The following SH3BP4 variants were observed in gnomAD, a reference collection of about 807,000 sequenced individuals.
SH3BP4 encodes SH3 domain-binding protein 4.
A neutral mutation model predicts 65.5 loss-of-function variants in SH3BP4; 33 were observed. The ratio of observed to expected loss-of-function variants is 0.50; its 90% CI spans 0.38 to 0.67. The LOEUF (loss-of-function observed/expected upper bound fraction) is 0.67, where lower values mean the gene tolerates loss of function less well. Among genes scored for constraint, SH3BP4 ranks in the 30% least tolerant of loss-of-function variants. The pLI, the probability that SH3BP4 is intolerant of heterozygous loss-of-function variation, is 0.00. For missense variants in SH3BP4, 1,134 were observed against 1,261.4 expected (o/e 0.90, Z 1.53); for synonymous variants, 552 against 545.5 (o/e 1.01, Z -0.17).
Position 235,035,084 on chromosome 2 carries a change from G to A in SH3BP4, c.82G>A (p.Glu28Lys), listed in dbSNP as rs138995123. The change falls in exon 3 of 6, where the codon GAA becomes AAA. Residue 28 changes from glutamate (E) to lysine (K), a missense_variant. By Grantham distance (56) the Glu-to-Lys change is moderately conservative. Coordinates refer to ENST00000392011, the MANE Select transcript of SH3BP4 (RefSeq NM_014521.3). This position sits in a 1 kb window ranked among gnomAD's most constrained non-coding sequence, Gnocchi z 5.0. ...KSEGTLIDLS[E>K]GFSETSFNDI... ...AGAGGGGACCCTGATTGACCTGAGC[G>A]AAGGGTTTTCAGAGACGAGCTTTAA... 91 of 1,613,988 alleles carry A rather than the reference G, an allele frequency of 5.6e-5. No homozygotes were observed. Among genetic ancestry groups the A allele is most frequent in the Middle Eastern group, 1.6e-4 (1 of 6,084 alleles).
chr2:234,952,782 G>A lies in SH3BP4; in HGVS notation c.-207+612G>A, dbSNP rs1215155161. 1.3e-5 allele frequency: 2 copies of A among 152,228 alleles called. No individual in the cohort carries two copies. Among genetic ancestry groups the A allele is most frequent in the African/African-American group, 4.8e-5 (2 of 41,454 alleles). The allele number at this position is 152,228 out of a possible 1,614,324, so 9.4% of individuals were successfully genotyped here. A position where few individuals can be genotyped will look rare whatever the true frequency, so the allele number is the denominator to read the frequency against. On this transcript the variant is annotated intron_variant, in intron 1 of 5. Transcript: ENST00000392011. This position sits in a 1 kb window ranked among gnomAD's most constrained non-coding sequence, Gnocchi z 6.5. ...TTGGCGATCGGGTGACCGAGCAGCC[G>A]CGAGGTGACAGCGCCGGCGGCCCGC...
rs1693501299 is a variant in SH3BP4, at chr2:234,984,951, TGGAGACGCATTTGA to T, written c.-206-10347_-206-10334del. On this transcript the variant is annotated intron_variant, in intron 1 of 5. Transcript: ENST00000392011. ...ACCAACTATTAGGGCTCCATCATGC[TGGAGACGCATTTGA>T]GGAGCCATGAGACTATGCCCTAGAA... Among the ~76,000 whole-genome samples, 3 of 152,294 alleles carry T rather than the reference TGGAGACGCATTTGA, an allele frequency of 2.0e-5. No homozygotes were observed. In the South Asian group the frequency reaches 6.2e-4, roughly 32 times the overall value.
At chr2:235,004,839 T>C (rs1197001650) in intron 2 of SH3BP4, among the ~76,000 whole-genome samples, 2 of 152,244 alleles carry the variant, frequency 1.3e-5, no homozygotes, top group African/African-American at 2.4e-5. Flanking sequence ...CTAGGATTCA[T>C]GTATTTGATG....
Position 235,045,153 on chromosome 2 carries a change from G to A in SH3BP4, c.2478+1906G>A, listed in dbSNP as rs1444031495. ...CCTCACGGGTGCACCCAGCACAGTG[G>A]CAGACAAAGCGCCTCCATCCCGTGA... On this transcript the variant is annotated intron_variant, in intron 4 of 5. Coordinates refer to ENST00000392011, the MANE Select transcript of SH3BP4 (RefSeq NM_014521.3). This position sits in a 1 kb window ranked among gnomAD's most constrained non-coding sequence, Gnocchi z 4.3. 6.6e-6 allele frequency among the ~76,000 whole-genome samples: 1 copy of A among 152,194 alleles called. No homozygotes were observed. The highest frequency in any genetic ancestry group is 6.5e-5 in the Admixed American group (1 of 15,286).
rs77730076 is a variant in SH3BP4, at chr2:234,993,323, C to T, written c.-206-1980C>T. Among the ~76,000 whole-genome samples, 1,438 of 152,274 alleles carry T rather than the reference C, an allele frequency of 9.4e-3. 25 individuals carry two copies. Among genetic ancestry groups the T allele is most frequent in the African/African-American group, 0.033 (1,391 of 41,532 alleles). ...AACTGCAGCCACTGGAGGCGGATACCCACTGAGGCTGTTCCCATCTGTCCT... is the reference window on the plus strand; with the variant it reads ...AACTGCAGCCACTGGAGGCGGATACTCACTGAGGCTGTTCCCATCTGTCCT... On this transcript the variant is annotated intron_variant, in intron 1 of 5. Transcript: ENST00000392011.
intron 1 of SH3BP4, among the ~76,000 whole-genome samples, chr2:234,964,606 C>T (rs993472618): frequency 2.6e-5 from 4 of 152,042 alleles, no homozygotes; most frequent in African/African-American, 9.7e-5. Flanking sequence ...ATGAGCAGGC[C>T]AGGAAGTGCA....
intron 2 of SH3BP4, among the ~76,000 whole-genome samples, chr2:235,025,453 CT>C (rs1006330183): frequency 1.1e-4 from 16 of 152,132 alleles, no homozygotes; most frequent in African/African-American, 3.9e-4. Context: ...CCTGCTTTCC[CT>C]TGTGTATTTA....
chr2:234,965,727 G>A (rs1172337383), intron 1 of SH3BP4, among the ~76,000 whole-genome samples: 1 of 152,132 alleles, frequency 6.6e-6, no homozygotes, highest in Non-Finnish European at 1.5e-5. Flanking sequence ...GGGTAAAATG[G>A]CAGTGATTTC....
chr2:234,968,041 C>T (rs1017049550), intron 1 of SH3BP4, among the ~76,000 whole-genome samples: 3 of 152,158 alleles, frequency 2.0e-5, no homozygotes, highest in Non-Finnish European at 2.9e-5. Flanking sequence ...CGACCACACC[C>T]AGGTCCACCT....
intron 3 of SH3BP4, among the ~76,000 whole-genome samples, chr2:235,038,338 AGTATATATATTTT>A (rs1559254399): frequency 0.038 from 255 of 6,716 alleles, 20 homozygotes; most frequent in African/African-American, 0.11. Context: ...TATTATATAT[AGTATATATATTTT>A]ATATATATAT....
Position 235,043,043 on chromosome 2 carries a change from G to A in SH3BP4, c.2274G>A (p.Val758=). 2 of 1,611,716 alleles carry A rather than the reference G, an allele frequency of 1.2e-6. No individual in the cohort carries two copies. Among genetic ancestry groups the A allele is most frequent in the Non-Finnish European group, 1.7e-6 (2 of 1,178,398 alleles). The change falls in exon 4 of 6, where the codon GTG becomes GTA. Residue 758 remains valine, a synonymous_variant. Transcript: ENST00000392011. Reference sequence around the variant, plus strand: ...TCCTCACGTACATCTATGCCTCCGTGAGGACCCTGCTCATGGAGAACATCA... The same window carrying A: ...TCCTCACGTACATCTATGCCTCCGTAAGGACCCTGCTCATGGAGAACATCA... ...CKFLTYIYAS[V]RTLLMENISS... is the part of the protein sequence containing the mutation.
rs149498776 is a variant in SH3BP4 at position 234,988,453 on chromosome 2, C to T, written c.-206-6850C>T. On this transcript the variant is annotated intron_variant, in intron 1 of 5. Transcript: ENST00000392011. The stretch of plus-strand genomic sequence containing the variant: ...GGAGCTGCCCTTGTCTCACCCCTGG[C>T]CATCAGTTTATGTAGTAATTAAATA... Among the ~76,000 whole-genome samples the T allele has an allele frequency of 5.9e-3, 903 of 152,308 alleles. 6 individuals carry two copies. The highest frequency in any genetic ancestry group is 0.01 in the Middle Eastern group (3 of 294).
intron 1 of SH3BP4, among the ~76,000 whole-genome samples, chr2:234,958,297 T>C (rs1692632521): frequency 6.6e-6 from 1 of 152,128 alleles, no homozygotes; most frequent in African/African-American, 2.4e-5. Flanking sequence ...AGAGCTTTCC[T>C]TGGAGGCAGT....
Position 234,988,310 on chromosome 2 carries a change from T to C in SH3BP4, c.-206-6993T>C, listed in dbSNP as rs543648730. ...TCCTGACCTCATGATCTGCCCACCT[T>C]GGCCTCCCAAAGTGCTGGGATTACA... On this transcript the variant is annotated intron_variant, in intron 1 of 5. Transcript: ENST00000392011. Among the ~76,000 whole-genome samples the C allele has an allele frequency of 9.0e-3, 1,371 of 152,212 alleles. 5 individuals carry two copies. The highest frequency in any genetic ancestry group is 0.014 in the Non-Finnish European group (918 of 67,994).
At position 235,016,938 on chromosome 2, in the gene SH3BP4, A is replaced by G. The variant is rs117821432; in HGVS notation, c.-132-17933A>G. On this transcript the variant is annotated intron_variant, in intron 2 of 5. Transcript: ENST00000392011. Reference sequence around the variant, plus strand: ...GATGCCACTTGACACTTCCCTTGAGAGCAAAACACGTTGACTTCAGAAGAT... The same window carrying G: ...GATGCCACTTGACACTTCCCTTGAGGGCAAAACACGTTGACTTCAGAAGAT... Among the ~76,000 whole-genome samples, 114 of 152,098 alleles carry G rather than the reference A, an allele frequency of 7.5e-4. 2 individuals are homozygous for G. In the East Asian group the frequency reaches 0.02, roughly 27 times the overall value.
Position 234,977,823 on chromosome 2 carries a change from G to A in SH3BP4, c.-206-17480G>A, listed in dbSNP as rs1464286863. Among the ~76,000 whole-genome samples, 2 of 152,076 alleles carry A rather than the reference G, an allele frequency of 1.3e-5. No individual in the cohort carries two copies. Among genetic ancestry groups the A allele is most frequent in the African/African-American group, 4.8e-5 (2 of 41,432 alleles). On this transcript the variant is annotated intron_variant, in intron 1 of 5. Transcript: ENST00000392011. The surrounding 1 kb of genome is among the most constrained non-coding windows in gnomAD (Gnocchi z 5.1). ...CACATGGGCACACACACACATGCGT[G>A]CACACACACGCAGACCCTGAGACCC...
At chr2:235,017,990 C>T (rs1386199218) in intron 2 of SH3BP4, among the ~76,000 whole-genome samples, 25 of 152,030 alleles carry the variant, frequency 1.6e-4, no homozygotes, top group Non-Finnish European at 3.7e-4. Flanking sequence ...ACATTCTGTA[C>T]GGAAGTGAGA....
chr2:234,962,459 A>G (rs1692736445), intron 1 of SH3BP4, among the ~76,000 whole-genome samples: 1 of 152,130 alleles, frequency 6.6e-6, no homozygotes, highest in Non-Finnish European at 1.5e-5. Flanking sequence ...AAAAAAAATA[A>G]TAATAAAAAA....
chr2:235,051,136 C>T (rs771695043), intron 4 of SH3BP4, among the ~76,000 whole-genome samples: 3 of 152,200 alleles, frequency 2.0e-5, no homozygotes, highest in South Asian at 2.1e-4. Flanking sequence ...ACCCAGCATG[C>T]GGCTCTCCTG....
Sources: gnomAD v4.1 joint callset for allele counts (sites outside exome capture counted in the v4.1 genomes callset) on GRCh38, gnomAD v4.1.1 for gene constraint, Gnocchi (gnomAD v3.1) non-coding constraint, MANE v1.5 for transcripts, NCBI Gene and HGNC (gene_info 2026-07-23, HGNC 2026-07-21) for gene names.